Variants in GPC5 observed in about 807,000 individuals in gnomAD.
GPC5 encodes the protein glypican-5.
A neutral mutation model predicts 53.9 loss-of-function variants in GPC5; 47 were observed. That is an observed-to-expected ratio of 0.87 (90% confidence interval 0.69 to 1.11). The LOEUF (loss-of-function observed/expected upper bound fraction) is 1.11. Ranked by LOEUF, GPC5 falls within the 50% of genes most tolerant of loss-of-function variation. GPC5 has a pLI of 0.00. For missense variants in GPC5, 748 were observed against 713.1 expected, an observed-to-expected ratio of 1.05 and a Z score of -0.56; for synonymous variants, 286 against 263.3, an observed-to-expected ratio of 1.09 and a Z score of -0.84.
At chr13:91,955,119 TA>T (rs2040061212) in intron 6 of GPC5, among the ~76,000 whole-genome samples, 1 of 152,218 alleles carries the variant, frequency 6.6e-6, no homozygotes, top group Non-Finnish European at 1.5e-5. Context: ...GTCCCTGGAC[TA>T]GAAAACTCAA....
In GPC5 at chr13:91,685,273, C is replaced by G. The variant is rs562992153; in HGVS notation, c.326-7914C>G. ...TGAGCCGAGATTGTGCCAATGCACT[C>G]TAGTCTGGGTAACAGAGTGAGACCT... On this transcript the variant is annotated intron_variant, in intron 2 of 7. Coordinates refer to ENST00000377067, the MANE Select transcript of GPC5 (RefSeq NM_004466.6). Among the ~76,000 whole-genome samples the G allele has an allele frequency of 2.6e-5, 4 of 152,280 alleles. 1 individual carries two copies. Among genetic ancestry groups the G allele is most frequent in the African/African-American group, 9.6e-5 (4 of 41,564 alleles).
intron 6 of GPC5, among the ~76,000 whole-genome samples, chr13:92,098,883 A>G (rs1283951139): frequency 2.0e-5 from 3 of 152,086 alleles, no homozygotes; most frequent in Non-Finnish European, 4.4e-5. Context: ...ATGTAAGCTA[A>G]TACTTTACTA....
chr13:92,828,628 T>C (rs755733966), intron 7 of GPC5, among the ~76,000 whole-genome samples: 53 of 152,180 alleles, frequency 3.5e-4, no homozygotes, highest in Admixed American at 1.3e-4. Flanking sequence ...GACCTCCATT[T>C]GTCTTGTGAC....
At chr13:91,678,060 T>G (rs116901111) in intron 2 of GPC5, among the ~76,000 whole-genome samples, 3,148 of 152,312 alleles carry the variant, frequency 0.021, 44 homozygotes, top group African/African-American at 0.025. Context: ...TTGGAAAGAA[T>G]GTAATGGTCT....
chr13:91,751,074 T>C (rs1430185728), intron 4 of GPC5, among the ~76,000 whole-genome samples: 2 of 152,208 alleles, frequency 1.3e-5, no homozygotes, highest in African/African-American at 4.8e-5. Flanking sequence ...GGTTCTACTA[T>C]TTATCAGTGC....
intron 5 of GPC5, among the ~76,000 whole-genome samples, chr13:91,857,059 C>T (rs1381157498): frequency 6.6e-6 from 1 of 150,928 alleles, no homozygotes; most frequent in Non-Finnish European, 1.5e-5. Flanking sequence ...ATTAAATGAC[C>T]AAATATGTAT....
intron 6 of GPC5, among the ~76,000 whole-genome samples, chr13:92,060,250 T>G (rs2138851694): frequency 6.6e-6 from 1 of 152,162 alleles, no homozygotes; most frequent in African/African-American, 2.4e-5. Context: ...CATGAATTAT[T>G]GATTAAAATG....
At chr13:92,342,909 C>T (rs1019113089) in intron 7 of GPC5, among the ~76,000 whole-genome samples, 1 of 152,060 alleles carries the variant, frequency 6.6e-6, no homozygotes, top group Non-Finnish European at 1.5e-5. Flanking sequence ...TTTTATCATA[C>T]TTATGTACAA....
At chr13:92,188,123 T>G (rs887234714) in intron 7 of GPC5, among the ~76,000 whole-genome samples, 11 of 152,060 alleles carry the variant, frequency 7.2e-5, no homozygotes, top group African/African-American at 2.7e-4. Flanking sequence ...TGCAGGAATC[T>G]CTCCTTCGAG....
intron 1 of GPC5, among the ~76,000 whole-genome samples, chr13:91,423,462 G>T (rs1878783748): frequency 6.6e-6 from 1 of 152,180 alleles, no homozygotes. Context: ...TGTAAACTGG[G>T]AGATACAGAC....
chr13:92,028,966 T>G (rs1211852666), intron 6 of GPC5, among the ~76,000 whole-genome samples: 1 of 152,196 alleles, frequency 6.6e-6, no homozygotes, highest in African/African-American at 2.4e-5. Context: ...ATTATATTTG[T>G]TCCCTGAACC....
intron 7 of GPC5, among the ~76,000 whole-genome samples, chr13:92,207,165 C>T (rs983128068): frequency 1.3e-5 from 2 of 152,156 alleles, no homozygotes; most frequent in Non-Finnish European, 2.9e-5. Flanking sequence ...AGCAGCAGTA[C>T]TAGTCTAGCA....
chr13:91,880,383 C>T (rs1256775592), intron 5 of GPC5, among the ~76,000 whole-genome samples: 2 of 151,772 alleles, frequency 1.3e-5, no homozygotes, highest in South Asian at 2.1e-4. Flanking sequence ...AGAATGAACT[C>T]GTGTATGTTT....
chr13:91,526,875 AGG>A (rs1014005663), intron 2 of GPC5, among the ~76,000 whole-genome samples: 12 of 152,172 alleles, frequency 7.9e-5, no homozygotes, highest in African/African-American at 2.9e-4. Flanking sequence ...GAGAGAGCAC[AGG>A]GGAAATTGAC....
intron 7 of GPC5, among the ~76,000 whole-genome samples, chr13:92,236,907 C>G (rs1254549406): frequency 6.6e-6 from 1 of 151,752 alleles, no homozygotes; most frequent in African/African-American, 2.4e-5. Flanking sequence ...TTTCTCAAAT[C>G]ATTGACCTTG....
intron 7 of GPC5, among the ~76,000 whole-genome samples, chr13:92,281,181 G>A (rs2042912572): frequency 6.6e-6 from 1 of 152,192 alleles, no homozygotes; most frequent in Non-Finnish European, 1.5e-5. Context: ...GAACTACAAG[G>A]CGTCAGCAAG....
intron 7 of GPC5, among the ~76,000 whole-genome samples, chr13:92,752,374 G>A (rs1889427480): frequency 6.6e-6 from 1 of 151,990 alleles, no homozygotes; most frequent in Non-Finnish European, 1.5e-5. Context: ...CCTAATTTCT[G>A]ATTTTTCCCA....
chr13:91,705,775 A>G (rs2036088146), intron 3 of GPC5, among the ~76,000 whole-genome samples: 1 of 149,968 alleles, frequency 6.7e-6, no homozygotes, highest in Admixed American at 6.6e-5. Context: ...ATTACCCAAA[A>G]CCTGAAAAGA....
intron 7 of GPC5, among the ~76,000 whole-genome samples, chr13:92,670,993 G>A (rs1036645956): frequency 2.6e-5 from 4 of 152,116 alleles, no homozygotes; most frequent in African/African-American, 9.7e-5. Flanking sequence ...GTAAATCTCA[G>A]AAAAAGATCA....
Sources: allele counts gnomAD v4.1 joint callset (sites outside exome capture counted in the v4.1 genomes callset), GRCh38; gene constraint gnomAD v4.1.1; transcripts MANE v1.5; gene names NCBI Gene and HGNC (gene_info 2026-07-23, HGNC 2026-07-21).